The following ELMO1 variants were observed in gnomAD, a reference collection of about 807,000 sequenced individuals.
ELMO1 encodes the protein engulfment and cell motility 1.
Under a neutral mutation model 98.9 loss-of-function variants are expected in ELMO1, and 26 were observed. That is an observed-to-expected ratio of 0.26 (90% CI 0.19 to 0.36). The LOEUF (loss-of-function observed/expected upper bound fraction) is 0.36. ELMO1 is among the 10% of genes least tolerant of loss of function. The pLI is 1.00. For synonymous variants in ELMO1, 346 were observed against 346.0 expected (o/e 1.00, Z 0.00); for missense variants, 627 against 935.2 (o/e 0.67, Z 4.30).
In ELMO1 at chr7:36,894,926, C is replaced by T. The variant is rs1326559563; in HGVS notation, c.1529G>A (p.Ser510Asn). ...GCGGATTTTCAGGATCTCAGTGTAGCTCAGGTTCTGCAGTTTGCTCTTGAA... is the reference window on the plus strand; with the variant it reads ...GCGGATTTTCAGGATCTCAGTGTAGTTCAGGTTCTGCAGTTTGCTCTTGAA... ...DQFKSKLQNL[S>N]YTEILKIRQS... is the part of the protein sequence containing the mutation. Residue 510 changes from serine to asparagine, a missense_variant, in exon 17 of 22, where the codon AGC becomes AAC. Around this residue, in one of 3 missense-constraint regions of ELMO1, gnomAD observed 492 missense variants for 715.6 expected, o/e 0.69. Transcript: ENST00000310758. 2 of 1,614,126 alleles carry T rather than the reference C, an allele frequency of 1.2e-6. No individual in the cohort carries two copies. Among genetic ancestry groups the T allele is most frequent in the Non-Finnish European group, 1.7e-6 (2 of 1,180,004 alleles).
chr7:37,040,003 T>C (rs560784852), intron 15 of ELMO1, among the ~76,000 whole-genome samples: 148 of 152,322 alleles, frequency 9.7e-4, no homozygotes, highest in African/African-American at 3.5e-3. Context: ...TGTTGTCCAG[T>C]AGGCTTTCCT....
In ELMO1 at chr7:37,145,749, T is replaced by A. The variant is rs1584716598; in HGVS notation, c.1087-12515A>T. Among the ~76,000 whole-genome samples the A allele has an allele frequency of 2.0e-5, 3 of 152,258 alleles. No homozygotes were observed. The East Asian group carries it at 5.8e-4, about 29-fold the overall frequency. On this transcript the variant is annotated intron_variant, in intron 13 of 21. Coordinates refer to ENST00000310758, the MANE Select transcript of ELMO1 (RefSeq NM_014800.11). ...GATTCAGGAGTTAATATTTGTGTTA[T>A]AATAGCGTCTACATTTGCTGAACAA...
intron 8 of ELMO1, among the ~76,000 whole-genome samples, chr7:37,230,398 G>T (rs1584844269): frequency 6.6e-6 from 1 of 152,262 alleles, no homozygotes; most frequent in East Asian, 1.9e-4. Context: ...GTTAAGCAAG[G>T]CTCCGGGAAC....
At chr7:37,117,949 T>C (rs1464523539) in intron 14 of ELMO1, among the ~76,000 whole-genome samples, 1 of 152,202 alleles carries the variant, frequency 6.6e-6, no homozygotes, top group African/African-American at 2.4e-5. Context: ...ATAATTTTAT[T>C]TTTAAAAAAA....
At chr7:37,159,169 C>T (rs183896008) in intron 13 of ELMO1, among the ~76,000 whole-genome samples, 63 of 151,912 alleles carry the variant, frequency 4.1e-4, no homozygotes, top group African/African-American at 1.4e-3. Flanking sequence ...GGGGGGCTGG[C>T]GGAGGATAGC....
chr7:37,417,458 G>A (rs1242337758), intron 1 of ELMO1, among the ~76,000 whole-genome samples: 1 of 152,146 alleles, frequency 6.6e-6, no homozygotes, highest in East Asian at 1.9e-4. Flanking sequence ...TCAGCAGATC[G>A]AGACCATCTG....
chr7:37,133,323 G>A, intron 13 of ELMO1, 89 bp from the exon 14 acceptor site: 3 of 923,834 alleles, frequency 3.2e-6, no homozygotes, highest in Non-Finnish European at 4.9e-6. Context: ...CAAGAGTGAA[G>A]TGCTACAAGG....
chr7:36,969,611 T>C (rs1789744011), intron 16 of ELMO1, among the ~76,000 whole-genome samples: 1 of 152,158 alleles, frequency 6.6e-6, no homozygotes, highest in African/African-American at 2.4e-5. Flanking sequence ...TGGTGGTATA[T>C]GTGTGTAGTA....
At chr7:37,402,426 T>C (rs574183133) in intron 1 of ELMO1, among the ~76,000 whole-genome samples, 1 of 152,214 alleles carries the variant, frequency 6.6e-6, no homozygotes, top group South Asian at 2.1e-4. Flanking sequence ...GTGTTCACTT[T>C]TCTGAAAAAA....
intron 19 of ELMO1, among the ~76,000 whole-genome samples, chr7:36,875,747 T>C (rs1372406537): frequency 6.6e-6 from 1 of 152,030 alleles, no homozygotes; most frequent in African/African-American, 2.4e-5. Context: ...GGGGTGAGGG[T>C]CTTAGCAGAG....
intron 21 of ELMO1, among the ~76,000 whole-genome samples, chr7:36,857,678 T>A (rs1802314286): frequency 6.6e-6 from 1 of 152,202 alleles, no homozygotes; most frequent in Non-Finnish European, 1.5e-5. Context: ...CAGTATCAAT[T>A]CATTAGTTTA....
intron 7 of ELMO1, among the ~76,000 whole-genome samples, chr7:37,238,552 T>C (rs879380117): frequency 2.0e-5 from 3 of 152,190 alleles, no homozygotes; most frequent in Admixed American, 6.5e-5. Context: ...AGTTTCTTTA[T>C]TGACTTACTG....
intron 16 of ELMO1, among the ~76,000 whole-genome samples, chr7:37,005,127 A>AAAAAAG (rs1562890645): frequency 2.7e-5 from 4 of 150,378 alleles, no homozygotes; most frequent in South Asian, 4.2e-4. Context: ...AAAAAAAAAA[A>AAAAAAG]AAAAAGAAAA....
At chr7:37,242,907 A>C (rs112676550) in intron 7 of ELMO1, among the ~76,000 whole-genome samples, 3 of 152,338 alleles carry the variant, frequency 2.0e-5, no homozygotes, top group African/African-American at 7.2e-5. Flanking sequence ...AAAAAGCTTC[A>C]AACATACAAA....
chr7:36,865,180 A>T (rs1207306574), intron 20 of ELMO1, among the ~76,000 whole-genome samples: 1 of 152,174 alleles, frequency 6.6e-6, no homozygotes, highest in Non-Finnish European at 1.5e-5. Context: ...AACTCACCAC[A>T]TATGGCCATT....
intron 13 of ELMO1, among the ~76,000 whole-genome samples, chr7:37,207,413 G>A (rs1043749025): frequency 2.0e-5 from 3 of 151,860 alleles, no homozygotes; most frequent in African/African-American, 7.3e-5. Flanking sequence ...TTAGCTGGGT[G>A]TGGTGGCGCA....
chr7:37,303,996 C>T (rs1346591353), intron 4 of ELMO1, among the ~76,000 whole-genome samples: 1 of 152,168 alleles, frequency 6.6e-6, no homozygotes, highest in Non-Finnish European at 1.5e-5. Context: ...CTGCCCTGCT[C>T]TTCCGAGCTC....
intron 1 of ELMO1, among the ~76,000 whole-genome samples, chr7:37,360,450 C>T (rs1470068371): frequency 6.7e-6 from 1 of 150,120 alleles, no homozygotes; most frequent in African/African-American, 2.4e-5. Flanking sequence ...ACACCAAGGT[C>T]GACATTTCAA....
intron 1 of ELMO1, among the ~76,000 whole-genome samples, chr7:37,360,693 T>C (rs1018138692): frequency 1.3e-5 from 2 of 152,206 alleles, no homozygotes; most frequent in African/African-American, 4.8e-5. Flanking sequence ...AACTGAGTAG[T>C]AAGGCCTGTG....
Sources: gnomAD v4.1 joint callset for allele counts (sites outside exome capture counted in the v4.1 genomes callset) on GRCh38, gnomAD v4.1.1 for gene constraint, gnomAD v4.1.1 regional missense constraint, MANE v1.5 for transcripts, NCBI Gene and HGNC (gene_info 2026-07-23, HGNC 2026-07-21) for gene names.